GPC5: variants seen among roughly 807,000 people sequenced by gnomAD.
GPC5 encodes the protein glypican 5, also known as glypican-5.
In GPC5, 47 loss-of-function variants were observed where a neutral mutation model predicts 53.9. That is an observed-to-expected ratio of 0.87 (90% CI 0.69 to 1.11). The LOEUF is 1.11. GPC5 is among the 50% of genes most tolerant of loss of function. The pLI is 0.00. For missense variants in GPC5, 748 were observed against 713.1 expected (o/e 1.05, Z -0.56); for synonymous variants, 286 against 263.3 (o/e 1.09, Z -0.84).
Position 92,302,483 on chromosome 13 carries a change from T to A in GPC5, c.1561+157494T>A, listed in dbSNP as rs764163429. ...TGTAGCAGACCGAGAATAAAAAAAA[T>A]TGCTTTTTAAACTGGGTACTGCATT... is the stretch of plus-strand genomic sequence containing the variant. On this transcript the variant is annotated intron_variant, in intron 7 of 7. Coordinates refer to ENST00000377067, the MANE Select transcript of GPC5 (RefSeq NM_004466.6). 1.1e-4 allele frequency among the ~76,000 whole-genome samples: 17 copies of A among 152,320 alleles called. No individual in the cohort carries two copies. The South Asian group carries it at 2.5e-3, about 22-fold the overall frequency.
At chr13:92,256,314 GAAT>G (rs1566506611) in intron 7 of GPC5, among the ~76,000 whole-genome samples, 1 of 151,718 alleles carries the variant, frequency 6.6e-6, no homozygotes, top group Non-Finnish European at 1.5e-5. Flanking sequence ...CTATGATCTC[GAAT>G]ATTTATAAGA....
intron 2 of GPC5, among the ~76,000 whole-genome samples, chr13:91,600,800 C>G (rs2033157980): frequency 6.6e-6 from 1 of 152,048 alleles, no homozygotes; most frequent in African/African-American, 2.4e-5. Flanking sequence ...TGTCTGTTAT[C>G]TATTTCAGTA....
At chr13:91,887,626 C>G (rs2138962261) in intron 5 of GPC5, among the ~76,000 whole-genome samples, 1 of 152,304 alleles carries the variant, frequency 6.6e-6, no homozygotes, top group Non-Finnish European at 1.5e-5. Context: ...ACCAGATACC[C>G]TAAATCATCT....
At chr13:91,579,176 C>T (rs1051914573) in intron 2 of GPC5, among the ~76,000 whole-genome samples, 1 of 152,082 alleles carries the variant, frequency 6.6e-6, no homozygotes, top group African/African-American at 2.4e-5. Context: ...TGTACTGTCA[C>T]ATGTGGGATT....
chr13:92,135,605 C>T (rs1236194803), intron 6 of GPC5, among the ~76,000 whole-genome samples: 1 of 152,096 alleles, frequency 6.6e-6, no homozygotes, highest in Non-Finnish European at 1.5e-5. Context: ...AACAAATAAC[C>T]TCTGGGCAGT....
chr13:91,629,248 C>T (rs1036497657), intron 2 of GPC5, among the ~76,000 whole-genome samples: 6 of 152,130 alleles, frequency 3.9e-5, no homozygotes, highest in African/African-American at 1.4e-4. Context: ...AGGCAAATTT[C>T]CAAAAGACTG....
rs5805731 is a variant in GPC5, at chr13:92,167,872, G to GAA, written c.1561+22895_1561+22896dup. 2.7e-3 allele frequency among the ~76,000 whole-genome samples: 389 copies of GAA among 146,052 alleles called. 2 individuals carry two copies. The highest frequency in any genetic ancestry group is 7.1e-3 in the Middle Eastern group (2 of 280). On this transcript the variant is annotated intron_variant, in intron 7 of 7. Transcript: ENST00000377067. Reference sequence around the variant, plus strand: ...GTATCAGTTTTCAACTTAGGACCAAGAAAAAAAAAAAAAGATAGTTTTTAA... The same window carrying GAA: ...GTATCAGTTTTCAACTTAGGACCAAGAAAAAAAAAAAAAAAGATAGTTTTTAA...
intron 7 of GPC5, among the ~76,000 whole-genome samples, chr13:92,326,453 T>A (rs2043251810): frequency 6.6e-6 from 1 of 152,172 alleles, no homozygotes; most frequent in South Asian, 2.1e-4. Flanking sequence ...TGTATTTGTT[T>A]GCTGTTGGTA....
At chr13:92,804,056 A>G (rs995005584) in intron 7 of GPC5, among the ~76,000 whole-genome samples, 2 of 152,026 alleles carry the variant, frequency 1.3e-5, no homozygotes, top group Admixed American at 1.3e-4. Flanking sequence ...GGTGGGCACA[A>G]AGATTTTCTC....
intron 7 of GPC5, among the ~76,000 whole-genome samples, chr13:92,273,667 A>C (rs1394214339): frequency 2.4e-5 from 3 of 125,556 alleles, no homozygotes; most frequent in Non-Finnish European, 3.6e-5. Flanking sequence ...TAAAAATGGC[A>C]AAAAAAATGG....
At chr13:91,987,335 ACTGCTACT>A (rs901082967) in intron 6 of GPC5, among the ~76,000 whole-genome samples, 3 of 152,238 alleles carry the variant, frequency 2.0e-5, no homozygotes, top group Admixed American at 2.0e-4. Context: ...ATGCTGCTTG[ACTGCTACT>A]CTTAACAGCA....
intron 2 of GPC5, among the ~76,000 whole-genome samples, chr13:91,466,199 A>C (rs960412247): frequency 6.6e-6 from 1 of 152,200 alleles, no homozygotes; most frequent in African/African-American, 2.4e-5. Flanking sequence ...CACACACAGC[A>C]GGCAAAGAGC....
In GPC5 at chr13:91,398,930, A is replaced by G; in HGVS notation, c.-117A>G. Reference sequence around the variant, plus strand: ...CCCGCGGGCGGTCCGTACACCCCGCAGCCGGCTCGCACCGCTCGAGAGCCT... The same window carrying G: ...CCCGCGGGCGGTCCGTACACCCCGCGGCCGGCTCGCACCGCTCGAGAGCCT... On this transcript the variant is annotated 5_prime_UTR_variant, in exon 1 of 8. Transcript: ENST00000377067. The G allele has an allele frequency of 3.7e-6, 5 of 1,351,368 alleles. No homozygotes were observed. The highest frequency in any genetic ancestry group is 3.9e-6 in the Non-Finnish European group (4 of 1,019,212). 83.7% of individuals were successfully genotyped at this position (1,351,368 alleles called of 1,614,324 possible). A position where few individuals can be genotyped will look rare whatever the true frequency, so the allele number is the denominator to read the frequency against.
At chr13:91,539,291 C>T (rs1433568076) in intron 2 of GPC5, among the ~76,000 whole-genome samples, 1 of 152,000 alleles carries the variant, frequency 6.6e-6, no homozygotes. Context: ...ACTTAAATCC[C>T]TTTAAAAAGT....
intron 2 of GPC5, among the ~76,000 whole-genome samples, chr13:91,614,393 T>A (rs1304736376): frequency 6.6e-6 from 1 of 152,148 alleles, no homozygotes; most frequent in Non-Finnish European, 1.5e-5. Context: ...AGTGGCATGA[T>A]CTCGGTTCAC....
intron 6 of GPC5, among the ~76,000 whole-genome samples, chr13:92,024,225 CT>C (rs2040782871): frequency 1.3e-5 from 2 of 151,996 alleles, no homozygotes; most frequent in South Asian, 4.1e-4. Flanking sequence ...ATATTACCCC[CT>C]AGACATATTG....
chr13:92,518,744 C>T (rs1187729373), intron 7 of GPC5, among the ~76,000 whole-genome samples: 11 of 152,164 alleles, frequency 7.2e-5, no homozygotes, highest in African/African-American at 2.7e-4. Flanking sequence ...AACCAGCTAA[C>T]ATCATAATGA....
chr13:92,743,645 G>A lies in GPC5; in HGVS notation c.1562-122637G>A, dbSNP rs148822179. ...ATGTTGAATAGGAGTGGTGAGAGAC[G>A]GCATCTCTGTCTTGTGCCAGTTTTC... On this transcript the variant is annotated intron_variant, in intron 7 of 7. Coordinates refer to ENST00000377067, the MANE Select transcript of GPC5 (RefSeq NM_004466.6). Among the ~76,000 whole-genome samples, 467 of 152,144 alleles carry A rather than the reference G, an allele frequency of 3.1e-3. 4 individuals are homozygous for A. The highest frequency in any genetic ancestry group is 0.011 in the African/African-American group (437 of 41,506).
At chr13:92,625,022 C>T (rs1475833361) in intron 7 of GPC5, among the ~76,000 whole-genome samples, 1 of 152,152 alleles carries the variant, frequency 6.6e-6, no homozygotes, top group African/African-American at 2.4e-5. Context: ...TAATCCAGAG[C>T]TTGCTTTTTA....
Sources: gnomAD v4.1 joint callset for allele counts (sites outside exome capture counted in the v4.1 genomes callset) on GRCh38, gnomAD v4.1.1 for gene constraint, MANE v1.5 for transcripts, NCBI Gene and HGNC (gene_info 2026-07-23, HGNC 2026-07-21) for gene names.